The following PPIL6 variants were observed in gnomAD, a reference collection of about 807,000 sequenced individuals.
The protein encoded by PPIL6 is probable inactive peptidyl-prolyl cis-trans isomerase-like 6.
In PPIL6, 39 loss-of-function variants were observed where a neutral mutation model predicts 36.8. That is an observed-to-expected ratio of 1.06 (90% CI 0.82 to 1.38). PPIL6 has a LOEUF of 1.38. Among genes scored for constraint, PPIL6 ranks in the 40% most tolerant of loss-of-function variants. The pLI, the probability that PPIL6 is intolerant of heterozygous loss-of-function variation, is 0.00. For missense variants in PPIL6, 368 were observed against 379.1 expected, an observed-to-expected ratio of 0.97 and a Z score of 0.24; for synonymous variants, 123 against 134.1, an observed-to-expected ratio of 0.92 and a Z score of 0.57.
intron 6 of PPIL6, chr6:109,418,201 T>C (rs1439706893): frequency 6.5e-6 from 1 of 153,222 alleles, no homozygotes; most frequent in African/African-American, 2.4e-5. Context: ...CTGGATAATT[T>C]TGATGCCATT....
intron 7 of PPIL6, among the ~76,000 whole-genome samples, chr6:109,398,700 A>C (rs1772400767): frequency 1.3e-5 from 2 of 152,232 alleles, no homozygotes; most frequent in African/African-American, 4.8e-5. Flanking sequence ...TCAGTAAAAA[A>C]AGTTATATGT....
At chr6:109,406,592 CTAT>C (rs1340491292) in intron 6 of PPIL6, among the ~76,000 whole-genome samples, 2 of 152,066 alleles carry the variant, frequency 1.3e-5, no homozygotes, top group Non-Finnish European at 2.9e-5. Context: ...CATTCCAATT[CTAT>C]TATTTCCTTT....
rs1415992913 is a variant in PPIL6 at position 109,440,572 on chromosome 6, A to C, written c.19T>G (p.Cys7Gly). MARPQP[C>G]GPPHARCGSP... ...CCGCACCTAGCGTGCGGGGGCCCGC[A>C]CGGCTGCGGCCTTGCCATGGCCGCG... The change falls in exon 1 of 8, where the codon TGC (cysteine) becomes GGC (glycine). Residue 7 changes from cysteine (C) to glycine (G), a missense_variant. Coordinates refer to ENST00000521072, the MANE Select transcript of PPIL6 (RefSeq NM_173672.5). 1 of 1,432,688 alleles carries C rather than the reference A, an allele frequency of 7.0e-7. No homozygotes were observed. The highest frequency in any genetic ancestry group is 1.4e-5 in the South Asian group (1 of 70,478). The allele number at this position is 1,432,688 out of a possible 1,614,324, so 88.7% of individuals were successfully genotyped here.
chr6:109,397,424 C>A (rs1454428461), intron 7 of PPIL6, among the ~76,000 whole-genome samples: 1 of 152,136 alleles, frequency 6.6e-6, no homozygotes, highest in Non-Finnish European at 1.5e-5. Flanking sequence ...TCCCAATGCA[C>A]CCTGTACACA....
At chr6:109,440,918 C>A, upstream of PPIL6, 2 of 582,344 alleles carry the variant, frequency 3.4e-6, no homozygotes, top group Non-Finnish European at 5.9e-6. Flanking sequence ...GTTGGCGGCC[C>A]GCCTGATTGG....
intron 6 of PPIL6, among the ~76,000 whole-genome samples, chr6:109,403,349 A>G (rs1293054018): frequency 6.6e-6 from 1 of 152,026 alleles, no homozygotes; most frequent in African/African-American, 2.4e-5. Context: ...TTTTTGGTAC[A>G]TTTCATTTAA....
chr6:109,431,559 G>T (rs565097934), intron 2 of PPIL6, among the ~76,000 whole-genome samples: 2 of 152,072 alleles, frequency 1.3e-5, no homozygotes, highest in East Asian at 3.9e-4. Flanking sequence ...TAAAAGTAAA[G>T]AATGATCTAA....
At chr6:109,432,724 T>A (rs546331814) in intron 2 of PPIL6, among the ~76,000 whole-genome samples, 72 of 152,170 alleles carry the variant, frequency 4.7e-4, no homozygotes, top group African/African-American at 1.7e-3. Flanking sequence ...CCTCCCAAAG[T>A]GTTGGGATTA....
intron 6 of PPIL6, among the ~76,000 whole-genome samples, chr6:109,411,185 C>T (rs1291478712): frequency 1.3e-5 from 2 of 152,132 alleles, no homozygotes; most frequent in Non-Finnish European, 2.9e-5. Context: ...CCAAGAATAC[C>T]AGAAGTAAGT....
chr6:109,398,519 G>A (rs1450260387), intron 7 of PPIL6, among the ~76,000 whole-genome samples: 3 of 152,148 alleles, frequency 2.0e-5, no homozygotes, highest in African/African-American at 7.2e-5. Flanking sequence ...TCTCAGGGAA[G>A]AAGAAGTAAG....
intron 7 of PPIL6, among the ~76,000 whole-genome samples, chr6:109,394,470 A>G (rs777932028): frequency 1.2e-4 from 18 of 151,184 alleles, no homozygotes; most frequent in Non-Finnish European, 2.1e-4. Flanking sequence ...TAGACTTCTG[A>G]TGGTTCTTTC....
intron 6 of PPIL6, among the ~76,000 whole-genome samples, chr6:109,407,008 C>T (rs1246934791): frequency 6.6e-6 from 1 of 152,148 alleles, no homozygotes; most frequent in Non-Finnish European, 1.5e-5. Context: ...CATGAGGTTC[C>T]AGGCTCATTT....
At chr6:109,397,140 C>T (rs949715715) in intron 7 of PPIL6, among the ~76,000 whole-genome samples, 2 of 150,918 alleles carry the variant, frequency 1.3e-5, no homozygotes, top group Non-Finnish European at 2.9e-5. Flanking sequence ...CCAGCCCAGC[C>T]CCAACTGTGA....
At chr6:109,402,764 G>A (rs754325299) in intron 6 of PPIL6, among the ~76,000 whole-genome samples, 2 of 152,108 alleles carry the variant, frequency 1.3e-5, no homozygotes, top group Admixed American at 6.6e-5. Flanking sequence ...TCCAGAATGT[G>A]TATGTGAATC....
At chr6:109,441,137 TC>T (rs749518374), upstream of PPIL6, 8 of 1,614,016 alleles carry the variant, frequency 5.0e-6, no homozygotes, top group Non-Finnish European at 5.9e-6. Context: ...GCCCAACTTC[TC>T]CCTGCGACTG....
intron 6 of PPIL6, among the ~76,000 whole-genome samples, chr6:109,403,639 A>G (rs935861804): frequency 4.6e-5 from 7 of 152,212 alleles, no homozygotes; most frequent in Admixed American, 6.5e-5. Context: ...CTAAGTAGAA[A>G]GAGCCTATTT....
At chr6:109,407,836 A>G (rs1208424042) in intron 6 of PPIL6, among the ~76,000 whole-genome samples, 9 of 151,766 alleles carry the variant, frequency 5.9e-5, no homozygotes, top group Admixed American at 2.6e-4. Context: ...GCATACTCTC[A>G]CCCTTTGAGA....
chr6:109,392,097 T>G lies in PPIL6; in HGVS notation c.*729A>C, dbSNP rs1582510867. On this transcript the variant is annotated 3_prime_UTR_variant, in exon 8 of 8. Coordinates refer to ENST00000521072, the MANE Select transcript of PPIL6 (RefSeq NM_173672.5). ...ACAGGGCTCTGTTAGTCTCCTATAA[T>G]AAGAAGTCCAGAGTAGGTGGTTGCT... 6.6e-6 allele frequency: 1 copy of G among 152,188 alleles called. No homozygotes were observed. The highest frequency in any genetic ancestry group is 2.4e-5 in the African/African-American group (1 of 41,454). The allele number at this position is 152,188 out of a possible 1,614,324, so 9.4% of individuals were successfully genotyped here.
chr6:109,398,261 A>G (rs994856494), intron 7 of PPIL6, among the ~76,000 whole-genome samples: 1 of 147,130 alleles, frequency 6.8e-6, no homozygotes, highest in Non-Finnish European at 1.5e-5. Context: ...AACTTAAGAC[A>G]AGTCATTGTT....
Sources: gnomAD v4.1 joint callset for allele counts (sites outside exome capture counted in the v4.1 genomes callset) on GRCh38, gnomAD v4.1.1 for gene constraint, MANE v1.5 for transcripts, NCBI Gene and HGNC (gene_info 2026-07-23, HGNC 2026-07-21) for gene names.